Variants in LINGO2 observed in about 807,000 individuals in gnomAD.
LINGO2 encodes leucine rich repeat and Ig domain containing 2.
In LINGO2, 14 loss-of-function variants were observed where a neutral mutation model predicts 30.6. That is an observed-to-expected ratio of 0.46 (90% confidence interval 0.30 to 0.72). The LOEUF (loss-of-function observed/expected upper bound fraction) is 0.72, where lower values mean the gene tolerates loss of function less well. Among genes scored for constraint, LINGO2 ranks in the 30% least tolerant of loss-of-function variants. The probability of loss-of-function intolerance (pLI) is 0.07; values close to 1 mark genes in which losing one functional copy is unlikely to be tolerated. For missense variants in LINGO2, 729 were observed against 751.7 expected (o/e 0.97, Z 0.35); for synonymous variants, 317 against 288.5 (o/e 1.10, Z -1.00).
In LINGO2 at chr9:28,062,806, C is replaced by T. The variant is rs759644743; in HGVS notation, c.-86-50401G>A. ...ATATGGTTTCTTCAGTTTTTTGGTA[C>T]GTTCATAGAGGTGTGCAACTATCAC... On this transcript the variant is annotated intron_variant, in intron 4 of 5. Transcript: ENST00000379992. Among the ~76,000 whole-genome samples, 169 of 151,266 alleles carry T rather than the reference C, an allele frequency of 1.1e-3. 1 individual carries two copies. The highest frequency in any genetic ancestry group is 1.7e-3 in the Non-Finnish European group (115 of 67,824).
At chr9:27,975,931 A>G (rs1325692637) in intron 5 of LINGO2, among the ~76,000 whole-genome samples, 1 of 152,096 alleles carries the variant, frequency 6.6e-6, no homozygotes, top group Non-Finnish European at 1.5e-5. Flanking sequence ...TCTTAATCAA[A>G]CTTGGTGATT....
intron 4 of LINGO2, among the ~76,000 whole-genome samples, chr9:28,054,895 C>T (rs926626600): frequency 5.9e-5 from 9 of 152,070 alleles, no homozygotes; most frequent in Admixed American, 3.9e-4. Flanking sequence ...CCAAGCACTA[C>T]TTTCACATAT....
the LINGO2 span, among the ~76,000 whole-genome samples, chr9:29,059,041 ACT>A: frequency 6.6e-5 from 10 of 151,936 alleles, no homozygotes; most frequent in Admixed American, 2.6e-4. Flanking sequence ...TAAAAATACA[ACT>A]CTAGCATAAA....
chr9:28,679,201 C>G, the LINGO2 span, among the ~76,000 whole-genome samples: 1 of 151,874 alleles, frequency 6.6e-6, no homozygotes, highest in Non-Finnish European at 1.5e-5. Flanking sequence ...ACTTTGATGA[C>G]TTTCAGAAAA....
At chr9:29,055,703 T>G in the LINGO2 span, among the ~76,000 whole-genome samples, 1 of 152,074 alleles carries the variant, frequency 6.6e-6, no homozygotes, top group Non-Finnish European at 1.5e-5. Flanking sequence ...TAGTCCTTTA[T>G]CCATCACCTC....
At position 28,032,450 on chromosome 9, in the gene LINGO2, C is replaced by A. The variant is rs148280198; in HGVS notation, c.-86-20045G>T. ...TACATATGATTCACATAACTAACTG[C>A]TCATGCCTTATGATTCCAGGCAATC... On this transcript the variant is annotated intron_variant, in intron 4 of 5. Coordinates refer to ENST00000379992, the Ensembl canonical transcript of LINGO2. Among the ~76,000 whole-genome samples the A allele has an allele frequency of 1.4e-3, 208 of 152,294 alleles. 1 individual carries two copies. The Middle Eastern group carries it at 0.024, about 17-fold the overall frequency.
the LINGO2 span, among the ~76,000 whole-genome samples, chr9:29,085,035 T>C: frequency 2.0e-5 from 3 of 151,930 alleles, no homozygotes; most frequent in Non-Finnish European, 4.4e-5. Context: ...CACCTAATTA[T>C]TTTCAAACCT....
the LINGO2 span, among the ~76,000 whole-genome samples, chr9:28,860,754 C>A: frequency 6.7e-6 from 1 of 148,228 alleles, no homozygotes. Flanking sequence ...AAAATGAATA[C>A]AATAGATATA....
At chr9:28,581,328 G>A (rs1367514808) in intron 1 of LINGO2, among the ~76,000 whole-genome samples, 2 of 151,600 alleles carry the variant, frequency 1.3e-5, no homozygotes, top group Non-Finnish European at 2.9e-5. Context: ...CCTCCCAAAG[G>A]TAAAAATTTA....
intron 1 of LINGO2, among the ~76,000 whole-genome samples, chr9:28,575,396 C>CAAAAAAAAAAACGTCTCA (rs1563836179): frequency 7.1e-6 from 1 of 141,228 alleles, no homozygotes; most frequent in Non-Finnish European, 1.5e-5. Context: ...GACTCCGTCT[C>CAAAAAAAAAAACGTCTCA]AAAAAAAAAA....
At chr9:28,616,523 A>T (rs1474095208) in intron 1 of LINGO2, among the ~76,000 whole-genome samples, 1 of 152,348 alleles carries the variant, frequency 6.6e-6, no homozygotes, top group South Asian at 2.1e-4. Context: ...ATGCATTATT[A>T]AAATTGCAAG....
At chr9:29,018,238 A>G in the LINGO2 span, among the ~76,000 whole-genome samples, 1 of 151,524 alleles carries the variant, frequency 6.6e-6, no homozygotes, top group Non-Finnish European at 1.5e-5. Context: ...AGAGTGATCT[A>G]AACATTGAAT....
chr9:29,038,088 G>A, the LINGO2 span, among the ~76,000 whole-genome samples: 1 of 151,730 alleles, frequency 6.6e-6, no homozygotes, highest in African/African-American at 2.4e-5. Context: ...TTATATTCTT[G>A]TCAATATCTC....
At chr9:29,100,253 C>T in the LINGO2 span, among the ~76,000 whole-genome samples, 35 of 152,204 alleles carry the variant, frequency 2.3e-4, no homozygotes, top group African/African-American at 8.4e-4. Flanking sequence ...TGTGAGAGGA[C>T]ACTACACGGG....
At chr9:28,164,279 A>T (rs1242869015) in intron 4 of LINGO2, among the ~76,000 whole-genome samples, 1 of 152,208 alleles carries the variant, frequency 6.6e-6, no homozygotes, top group Admixed American at 6.5e-5. Context: ...GATCACTGAC[A>T]GTGTGCTATA....
At chr9:28,069,285 G>A (rs1825403630) in intron 4 of LINGO2, among the ~76,000 whole-genome samples, 1 of 152,030 alleles carries the variant, frequency 6.6e-6, no homozygotes, top group Admixed American at 6.6e-5. Context: ...CTTTTAATAA[G>A]GGCCTAGAAT....
chr9:28,338,367 AG>A (rs1281002929), intron 3 of LINGO2, among the ~76,000 whole-genome samples: 2 of 152,126 alleles, frequency 1.3e-5, no homozygotes, highest in Non-Finnish European at 2.9e-5. Flanking sequence ...TTGATTTTAC[AG>A]GCTTATAGGT....
intron 2 of LINGO2, among the ~76,000 whole-genome samples, chr9:28,457,282 A>G (rs1038799427): frequency 6.6e-6 from 1 of 152,228 alleles, no homozygotes; most frequent in African/African-American, 2.4e-5. Context: ...ACATAGTAAA[A>G]TAAAAGAAAG....
chr9:28,688,337 A>G, the LINGO2 span, among the ~76,000 whole-genome samples: 1 of 152,228 alleles, frequency 6.6e-6, no homozygotes, highest in South Asian at 2.1e-4. Context: ...TGAGCCAAGA[A>G]CAAGCTCAGA....
Sources: allele counts gnomAD v4.1 joint callset (sites outside exome capture counted in the v4.1 genomes callset), GRCh38; gene constraint gnomAD v4.1.1; transcripts MANE v1.5; gene names NCBI Gene and HGNC (gene_info 2026-07-23, HGNC 2026-07-21).